Variants in GPATCH2L observed in about 807,000 individuals in gnomAD.
The protein encoded by GPATCH2L is G patch domain-containing protein 2-like.
In GPATCH2L, 31 loss-of-function variants were observed where a neutral mutation model predicts 57.4. The ratio of observed to expected loss-of-function variants is 0.54; its 90% confidence interval spans 0.41 to 0.73. The LOEUF is 0.73. Among genes scored for constraint, GPATCH2L ranks in the 30% least tolerant of loss-of-function variants. GPATCH2L has a pLI of 0.00. For synonymous variants in GPATCH2L, 199 were observed against 210.7 expected, an observed-to-expected ratio of 0.94 and a Z score of 0.48; for missense variants, 481 against 599.9, an observed-to-expected ratio of 0.80 and a Z score of 2.07.
chr14:76,223,089 T>C (rs2040522853), intron 1 of GPATCH2L, among the ~76,000 whole-genome samples: 1 of 152,206 alleles, frequency 6.6e-6, no homozygotes, highest in South Asian at 2.1e-4. Flanking sequence ...ACTAGTCTTA[T>C]ACAAACTGTT....
At position 76,222,475 on chromosome 14, in the gene GPATCH2L, C is replaced by T. The variant is rs567529909; in HGVS notation, c.66-7333C>T. Among the ~76,000 whole-genome samples the T allele has an allele frequency of 2.6e-4, 39 of 151,784 alleles. 1 individual carries two copies. Among genetic ancestry groups the T allele is most frequent in the African/African-American group, 8.5e-4 (35 of 41,356 alleles). ...ACAAATAATTAGCTGAGCGTGGTGG[C>T]GTGCACCTGTAATCCCAGCTACTCA... On this transcript the variant is annotated intron_variant and NMD_transcript_variant, in intron 1 of 3. Transcript: ENST00000556372.
rs752285638 is a variant in GPATCH2L at position 76,201,749 on chromosome 14, C to T, written c.1347C>T (p.Ser449=). Reference sequence around the variant, plus strand: ...CATCACAAGCCCCCAAATCACCCAGCTCTGAGTGGTTGGTGAGGACCTCTG... The same window carrying T: ...CATCACAAGCCCCCAAATCACCCAGTTCTGAGTGGTTGGTGAGGACCTCTG... The part of the protein sequence containing the change: ...TPASQAPKSP[S]SEWLVRTSAA... The change falls in exon 10 of 10, where the codon AGC becomes AGT. Residue 449 remains serine (S), a synonymous_variant. Coordinates refer to ENST00000261530, the MANE Select transcript of GPATCH2L (RefSeq NM_017926.4). 16 of 1,613,774 alleles carry T rather than the reference C, an allele frequency of 9.9e-6. No homozygotes were observed. Among genetic ancestry groups the T allele is most frequent in the Non-Finnish European group, 2.5e-6 (3 of 1,179,792 alleles).
intron 1 of GPATCH2L, among the ~76,000 whole-genome samples, chr14:76,219,620 A>C (rs979369264): frequency 6.6e-6 from 1 of 152,222 alleles, no homozygotes; most frequent in Non-Finnish European, 1.5e-5. Flanking sequence ...TGAATCTCTA[A>C]GTAAAAAGGT....
At position 76,195,976 on chromosome 14, in the gene GPATCH2L, A is replaced by G. The variant is rs1566812042; in HGVS notation, c.1288+4A>G. ...TCTTTGTCTAGCCCCAGTGCAGGTG[A>G]TTACATGCAGTTATCATTTATTGAG... On this transcript the variant is annotated splice_donor_region_variant and intron_variant, in intron 9 of 9. Coordinates refer to ENST00000261530, the MANE Select transcript of GPATCH2L (RefSeq NM_017926.4). The G allele has an allele frequency of 1.2e-6, 2 of 1,600,942 alleles. No individual in the cohort carries two copies. Among genetic ancestry groups the G allele is most frequent in the Non-Finnish European group, 1.7e-6 (2 of 1,168,024 alleles).
Position 76,202,560 on chromosome 14 carries a change from C to CAG in GPATCH2L, c.*710_*711insGA, listed in dbSNP as rs1433570150. The CAG allele has an allele frequency of 1.0e-3, 138 of 137,164 alleles. No individual in the cohort carries two copies. The highest frequency in any genetic ancestry group is 7.3e-3 in the Middle Eastern group (2 of 274). The allele number at this position is 137,164 out of a possible 1,614,324, so 8.5% of individuals were successfully genotyped here. A position where few individuals can be genotyped will look rare whatever the true frequency, so the allele number is the denominator to read the frequency against. ...ATACACACACACACACACACACACA[C>CAG]ACAGATTGGTATAATGGAGAAGATG... On this transcript the variant is annotated 3_prime_UTR_variant, in exon 10 of 10. Transcript: ENST00000261530.
At chr14:76,172,800 A>C (rs1466730526) in intron 4 of GPATCH2L, among the ~76,000 whole-genome samples, 2 of 152,258 alleles carry the variant, frequency 1.3e-5, no homozygotes, top group Non-Finnish European at 2.9e-5. Context: ...TACGAGATGT[A>C]AACTTGTATT....
intron 8 of GPATCH2L, among the ~76,000 whole-genome samples, chr14:76,190,591 T>C (rs2039930167): frequency 6.6e-6 from 1 of 152,178 alleles, no homozygotes; most frequent in South Asian, 2.1e-4. Flanking sequence ...TTTCTCTAAT[T>C]GCATATATAC....
chr14:76,174,594 C>T (rs2039237089), intron 5 of GPATCH2L: 1 of 152,074 alleles, frequency 6.6e-6, no homozygotes, highest in South Asian at 2.1e-4. Context: ...CCAGACGAGC[C>T]CAAGATTCTT....
intron 9 of GPATCH2L, among the ~76,000 whole-genome samples, chr14:76,199,397 C>T (rs2121073): frequency 0.11 from 17,476 of 151,990 alleles, 1,039 homozygotes; most frequent in Admixed American, 0.15. Context: ...TTTTATGTTG[C>T]AGCTTTCACC....
At chr14:76,201,492 G>A (rs2040309431) in intron 9 of GPATCH2L, among the ~76,000 whole-genome samples, 199 bp from the exon 10 acceptor site, 1 of 152,172 alleles carries the variant, frequency 6.6e-6, no homozygotes, top group Non-Finnish European at 1.5e-5. Flanking sequence ...TCTCAGATTA[G>A]GAAATACTAT....
chr14:76,208,939 G>A lies in GPATCH2L; in HGVS notation c.*7088G>A, dbSNP rs1595006067. On this transcript the variant is annotated 3_prime_UTR_variant, in exon 10 of 10. Coordinates refer to ENST00000261530, the MANE Select transcript of GPATCH2L (RefSeq NM_017926.4). ...ACCAGTTAAATCAGCATGGGGAGGT[G>A]GGGATGGGTTTCAGTCTTTAAAAAG... The A allele has an allele frequency of 6.6e-6, 1 of 152,146 alleles. No individual in the cohort carries two copies. Among genetic ancestry groups the A allele is most frequent in the South Asian group, 2.1e-4 (1 of 4,822 alleles). 9.4% of individuals were successfully genotyped at this position (152,146 alleles called of 1,614,324 possible).
chr14:76,233,811 A>G (rs1029137439), intron 2 of GPATCH2L, among the ~76,000 whole-genome samples: 3 of 152,204 alleles, frequency 2.0e-5, no homozygotes, highest in Non-Finnish European at 4.4e-5. Flanking sequence ...ATTAAAAACA[A>G]TTAGGGTCCA....
At chr14:76,194,512 C>T (rs554088794) in intron 8 of GPATCH2L, among the ~76,000 whole-genome samples, 2 of 70,538 alleles carry the variant, frequency 2.8e-5, no homozygotes, top group South Asian at 4.4e-4. Flanking sequence ...TGTGCACGCT[C>T]ATGCTTGCGT....
Position 76,205,702 on chromosome 14 carries a change from T to C in GPATCH2L, c.*3851T>C, listed in dbSNP as rs2040367574. The C allele has an allele frequency of 6.6e-6, 1 of 152,256 alleles. No homozygotes were observed. The highest frequency in any genetic ancestry group is 1.5e-5 in the Non-Finnish European group (1 of 68,070). 9.4% of individuals were successfully genotyped at this position (152,256 alleles called of 1,614,324 possible). A position where few individuals can be genotyped will look rare whatever the true frequency, so the allele number is the denominator to read the frequency against. On this transcript the variant is annotated 3_prime_UTR_variant, in exon 10 of 10. Coordinates refer to ENST00000261530, the MANE Select transcript of GPATCH2L (RefSeq NM_017926.4). Reference sequence around the variant, plus strand: ...TGTTGCTGCAGAGTTATCATTAAAGTCACTTGGAATTGAAAAAGATACAGA... The same window carrying C: ...TGTTGCTGCAGAGTTATCATTAAAGCCACTTGGAATTGAAAAAGATACAGA...
At chr14:76,158,544 A>G (rs2543382) in intron 2 of GPATCH2L, among the ~76,000 whole-genome samples, 116,777 of 152,168 alleles carry the variant, frequency 0.77, 45,830 homozygotes, top group South Asian at 0.88. Flanking sequence ...GTGATCAATA[A>G]CACTCTATAG....
At chr14:76,175,185 C>T (rs1244522817) in intron 5 of GPATCH2L, 4 of 152,164 alleles carry the variant, frequency 2.6e-5, no homozygotes, top group African/African-American at 4.8e-5. Context: ...AAGAGCCATC[C>T]ACTTCCATGG....
chr14:76,195,830 A>G, intron 8 of GPATCH2L, 48 bp from the exon 9 acceptor site: 4 of 1,372,614 alleles, frequency 2.9e-6, no homozygotes, highest in South Asian at 1.2e-5. Context: ...ATGTCTTACA[A>G]TAAGAATTAA....
intron 1 of GPATCH2L, among the ~76,000 whole-genome samples, chr14:76,221,835 G>C (rs975736956): frequency 6.6e-6 from 1 of 152,126 alleles, no homozygotes; most frequent in Non-Finnish European, 1.5e-5. Flanking sequence ...GAGGTGAATA[G>C]GCAGAGCACA....
Position 76,214,035 on chromosome 14 carries a change from T to G in GPATCH2L, c.*12184T>G, listed in dbSNP as rs75108161. 34 of 152,326 alleles carry G rather than the reference T, an allele frequency of 2.2e-4. No individual in the cohort carries two copies. In the East Asian group the frequency reaches 6.6e-3, roughly 29 times the overall value. The allele number at this position is 152,326 out of a possible 1,614,324, so 9.4% of individuals were successfully genotyped here. A position where few individuals can be genotyped will look rare whatever the true frequency, so the allele number is the denominator to read the frequency against. On this transcript the variant is annotated 3_prime_UTR_variant, in exon 10 of 10. Transcript: ENST00000261530. ...AACAACTGGCAAGGCTAGTCCCCCT[T>G]ATAATTTTTCCTATTGTGCTTCTGG...
Sources: gnomAD v4.1 joint callset for allele counts (sites outside exome capture counted in the v4.1 genomes callset) on GRCh38, gnomAD v4.1.1 for gene constraint, MANE v1.5 for transcripts, NCBI Gene and HGNC (gene_info 2026-07-23, HGNC 2026-07-21) for gene names.